Variants in CLVS1 observed in about 807,000 individuals in gnomAD.
CLVS1 encodes clavesin-1.
Under a neutral mutation model 33.1 loss-of-function variants are expected in CLVS1, and 10 were observed. The observed-to-expected ratio is 0.30, with a 90% CI of 0.19 to 0.51. The LOEUF (loss-of-function observed/expected upper bound fraction) is 0.51. Ranked by LOEUF, CLVS1 falls within the 20% of genes least tolerant of loss-of-function variation. The pLI is 0.97. For synonymous variants in CLVS1, 163 were observed against 166.1 expected, an observed-to-expected ratio of 0.98 and a Z score of 0.14; for missense variants, 343 against 433.4, an observed-to-expected ratio of 0.79 and a Z score of 1.85.
chr8:61,422,903 TA>T (rs1815733341), intron 3 of CLVS1, among the ~76,000 whole-genome samples: 1 of 152,044 alleles, frequency 6.6e-6, no homozygotes, highest in Admixed American at 6.6e-5. Flanking sequence ...AGCAGGCACC[TA>T]AAAAAGAAAA....
chr8:61,393,264 C>A (rs1017885329), intron 3 of CLVS1, among the ~76,000 whole-genome samples: 2 of 152,006 alleles, frequency 1.3e-5, no homozygotes, highest in African/African-American at 4.8e-5. Flanking sequence ...ATTGTCTTTT[C>A]TTTATTATAT....
chr8:61,046,289 T>A, the CLVS1 span, among the ~76,000 whole-genome samples: 5 of 147,842 alleles, frequency 3.4e-5, no homozygotes, highest in African/African-American at 5.2e-5. Flanking sequence ...GTCAAAGATC[T>A]GATAGTTGTA....
intron 5 of CLVS1, among the ~76,000 whole-genome samples, chr8:61,467,082 C>CATAT (rs542975045): frequency 5.9e-5 from 9 of 152,150 alleles, no homozygotes; most frequent in African/African-American, 2.2e-4. Flanking sequence ...TATACATGTA[C>CATAT]ATATATATAT....
At chr8:61,430,722 A>T (rs1045153278) in intron 3 of CLVS1, among the ~76,000 whole-genome samples, 1 of 152,138 alleles carries the variant, frequency 6.6e-6, no homozygotes, top group African/African-American at 2.4e-5. Flanking sequence ...GTGTGTGCCA[A>T]TGTGTTATGC....
intron 1 of CLVS1, among the ~76,000 whole-genome samples, chr8:61,289,311 T>C (rs550223381): frequency 3.9e-5 from 6 of 152,332 alleles, no homozygotes; most frequent in Admixed American, 3.9e-4. Flanking sequence ...ATTTTCTATC[T>C]CAGCTGAAGG....
chr8:61,174,422 T>A (rs1225686348), intron 2 of CLVS1, among the ~76,000 whole-genome samples: 1 of 147,168 alleles, frequency 6.8e-6, no homozygotes, highest in Non-Finnish European at 1.5e-5. Flanking sequence ...GGCAACAGAG[T>A]GAGACTGTCT....
intron 3 of CLVS1, among the ~76,000 whole-genome samples, chr8:61,432,322 C>T (rs1351800735): frequency 6.6e-6 from 1 of 152,124 alleles, no homozygotes; most frequent in African/African-American, 2.4e-5. Flanking sequence ...ATTGTTACCC[C>T]CCAAATTCGT....
intron 2 of CLVS1, among the ~76,000 whole-genome samples, chr8:61,269,736 C>T (rs1809394080): frequency 6.8e-6 from 1 of 147,090 alleles, no homozygotes; most frequent in South Asian, 2.2e-4. Flanking sequence ...CCTTCACATC[C>T]CTTGTAAGTT....
intron 2 of CLVS1, among the ~76,000 whole-genome samples, chr8:61,240,433 T>C (rs1967062): frequency 0.17 from 25,458 of 152,156 alleles, 3,922 homozygotes; most frequent in East Asian, 0.68. Flanking sequence ...ACAATAGCCC[T>C]CTGCCCAGCA....
At chr8:61,218,999 G>A (rs893197334) in intron 2 of CLVS1, among the ~76,000 whole-genome samples, 138 of 152,236 alleles carry the variant, frequency 9.1e-4, no homozygotes, top group African/African-American at 3.2e-3. Flanking sequence ...CAATTGTTGG[G>A]AGGAGATGAA....
In CLVS1 at chr8:61,108,825, C is replaced by G. The variant is rs971515036; in HGVS notation, c.-242-22945C>G. On this transcript the variant is annotated intron_variant, in intron 1 of 2. Coordinates refer to the CLVS1 transcript ENST00000522621. ...CTCTTTTCTTTACTGAGACAGACAG[C>G]CCCACTGAGTCAGGGGCCTGAGGGT... is the stretch of plus-strand genomic sequence containing the variant. Among the ~76,000 whole-genome samples, 9 of 152,202 alleles carry G rather than the reference C, an allele frequency of 5.9e-5. 1 individual carries two copies. Among genetic ancestry groups the G allele is most frequent in the Admixed American group, 5.9e-4 (9 of 15,284 alleles).
intron 1 of CLVS1, among the ~76,000 whole-genome samples, chr8:61,130,707 TAA>T (rs1157301684): frequency 6.6e-6 from 1 of 152,240 alleles, no homozygotes; most frequent in African/African-American, 2.4e-5. Context: ...TGAAGAGTAT[TAA>T]GAGGCTTCCA....
intron 3 of CLVS1, among the ~76,000 whole-genome samples, chr8:61,386,098 G>A (rs1251587374): frequency 6.6e-6 from 1 of 152,192 alleles, no homozygotes; most frequent in African/African-American, 2.4e-5. Flanking sequence ...GGAGACCTGA[G>A]ATTCTTTATG....
chr8:61,050,690 C>T, the CLVS1 span, among the ~76,000 whole-genome samples: 1 of 152,212 alleles, frequency 6.6e-6, no homozygotes, highest in Non-Finnish European at 1.5e-5. Flanking sequence ...TACAGATGAT[C>T]CACTTTTGAG....
intron 2 of CLVS1, among the ~76,000 whole-genome samples, chr8:61,183,794 A>T (rs1405134347): frequency 6.6e-6 from 1 of 152,224 alleles, no homozygotes; most frequent in Non-Finnish European, 1.5e-5. Context: ...CCCACCCCGA[A>T]TGAGTAAGTA....
intron 5 of CLVS1, chr8:61,465,922 C>G (rs1191837883): frequency 1.3e-5 from 2 of 152,240 alleles, no homozygotes; most frequent in African/African-American, 4.8e-5. Flanking sequence ...CACAGTCTCC[C>G]AAAGTGCTGG....
rs137913036 is a variant in CLVS1 at position 61,132,166 on chromosome 8, G to T, written c.-152+306G>T. ...AACAACGAGGCTGGACCTGCAAAAT[G>T]AGCTTGCACCAAGGGCTCTGTGATT... On this transcript the variant is annotated intron_variant, in intron 2 of 2. Coordinates refer to the CLVS1 transcript ENST00000522621. Among the ~76,000 whole-genome samples, 316 of 152,378 alleles carry T rather than the reference G, an allele frequency of 2.1e-3. 3 individuals carry two copies. Among genetic ancestry groups the T allele is most frequent in the African/African-American group, 6.1e-3 (252 of 41,590 alleles).
chr8:61,475,401 G>C (rs11784965), intron 5 of CLVS1, among the ~76,000 whole-genome samples: 22,606 of 152,080 alleles, frequency 0.15, 1,818 homozygotes, highest in African/African-American at 0.21. Context: ...AACTAGTTTA[G>C]AGTCCCACCA....
chr8:61,118,840 T>C (rs1482629222), intron 1 of CLVS1, among the ~76,000 whole-genome samples: 1 of 152,202 alleles, frequency 6.6e-6, no homozygotes, highest in Non-Finnish European at 1.5e-5. Context: ...GAAAAAAATG[T>C]ATATTCTGTT....
Sources: gnomAD v4.1 joint callset for allele counts (sites outside exome capture counted in the v4.1 genomes callset) on GRCh38, gnomAD v4.1.1 for gene constraint, MANE v1.5 for transcripts, NCBI Gene and HGNC (gene_info 2026-07-23, HGNC 2026-07-21) for gene names.